Variants in CNGB1 observed in about 807,000 individuals in gnomAD.
CNGB1 encodes the protein cyclic nucleotide-gated channel beta-1.
A neutral mutation model predicts 151.7 loss-of-function variants in CNGB1; 126 were observed. The observed-to-expected ratio is 0.83, with a 90% CI of 0.72 to 0.96. The LOEUF (loss-of-function observed/expected upper bound fraction) is 0.96, where lower values mean the gene tolerates loss of function less well. Ranked by LOEUF, CNGB1 falls within the 40% of genes least tolerant of loss-of-function variation. CNGB1 has a pLI of 0.00. For missense variants in CNGB1, 1,698 were observed against 1,627.0 expected, an observed-to-expected ratio of 1.04 and a Z score of -0.75; for synonymous variants, 623 against 635.1, an observed-to-expected ratio of 0.98 and a Z score of 0.29.
At chr16:57,912,815 G>A in intron 24 of CNGB1, 115 bp downstream of exon 24, 1 of 1,033,692 alleles carries the variant, frequency 9.7e-7, no homozygotes, top group Non-Finnish European at 1.5e-6. Flanking sequence ...TGTGTGTTGT[G>A]TGTGTCGTGT....
At chr16:57,962,485 G>T in intron 7 of CNGB1, 80 bp downstream of exon 7, 1 of 1,303,396 alleles carries the variant, frequency 7.7e-7, no homozygotes, top group Non-Finnish European at 1.1e-6. Flanking sequence ...GGTGGTAACA[G>T]ACCCTGCTCC....
At chr16:57,958,327 G>A (rs1962143082) in intron 11 of CNGB1, 83 bp downstream of exon 11, 1 of 1,314,024 alleles carries the variant, frequency 7.6e-7, no homozygotes. Flanking sequence ...CTGCCACAGG[G>A]CCAACCATCC....
rs367717137 is a variant in CNGB1 at position 57,944,951 on chromosome 16, T to TAAA, written c.1121+4399_1121+4401dup. Among the ~76,000 whole-genome samples, 592 of 104,300 alleles carry TAAA rather than the reference T, an allele frequency of 5.7e-3. 9 individuals are homozygous for TAAA. Among genetic ancestry groups the TAAA allele is most frequent in the African/African-American group, 0.021 (537 of 25,412 alleles). 68.4% of individuals were successfully genotyped at this position (104,300 alleles called of 152,430 possible). ...GGGCAACAGAGCGAGACTCTGTCTTTAAAAAAAAAAAAAAAAAAAAAACAA... is the reference window on the plus strand; with the variant it reads ...GGGCAACAGAGCGAGACTCTGTCTTTAAAAAAAAAAAAAAAAAAAAAAAAACAA... On this transcript the variant is annotated intron_variant, in intron 14 of 32. Transcript: ENST00000251102.
rs778187364 is a variant in CNGB1 at position 57,904,030 on chromosome 16, G to A, written c.2635-49C>T. On this transcript the variant is annotated intron_variant, in intron 26 of 32. Coordinates refer to ENST00000251102, the MANE Select transcript of CNGB1 (RefSeq NM_001297.5). The stretch of plus-strand genomic sequence containing the variant: ...CAAGGAAGCCACTGGGTCATTGGGG[G>A]TGGGCGCTATTCCATGGATTTGGGA... 20 of 1,575,848 alleles carry A rather than the reference G, an allele frequency of 1.3e-5. 1 individual carries two copies. In the South Asian group the frequency reaches 1.8e-4, roughly 14 times the overall value.
At chr16:57,955,483 C>T (rs1338302876) in intron 12 of CNGB1, 4 of 891,094 alleles carry the variant, frequency 4.5e-6, no homozygotes, top group Admixed American at 2.1e-5. Flanking sequence ...CACATATCCC[C>T]CAGCCTCTCA....
At chr16:57,903,688 A>G (rs774182180) in intron 27 of CNGB1, 134 bp downstream of exon 27, 179 of 1,142,570 alleles carry the variant, frequency 1.6e-4, no homozygotes, top group Non-Finnish European at 2.1e-4. Context: ...TTGGGGACAC[A>G]GCCAAGACAG....
At chr16:57,937,926 C>T (rs1961555802) in intron 16 of CNGB1, among the ~76,000 whole-genome samples, 1 of 152,210 alleles carries the variant, frequency 6.6e-6, no homozygotes, top group Non-Finnish European at 1.5e-5. Flanking sequence ...CAGGTGATTC[C>T]AATGGGCTGT....
In CNGB1 at chr16:57,916,140, G is replaced by A. The variant is rs569502373; in HGVS notation, c.2206C>T (p.Arg736Cys). ...TGCCCGGCACACACCTTGAAGCGGC[G>A]AGACTTCAGGTAGTTATTTCGCATG... ...KDMRNNYLKS[R>C]RFKMDLLSLL... The change falls in exon 22 of 33, where the codon CGC becomes TGC. Residue 736 changes from arginine to cysteine, a missense_variant. Arg to Cys is a radical substitution (Grantham distance 180). Transcript: ENST00000251102. 6.4e-5 allele frequency: 103 copies of A among 1,614,028 alleles called. No homozygotes were observed. The highest frequency in any genetic ancestry group is 3.6e-4 in the South Asian group (33 of 91,070).
chr16:57,913,490 G>C (rs1195940508), intron 23 of CNGB1, among the ~76,000 whole-genome samples: 2 of 151,424 alleles, frequency 1.3e-5, no homozygotes, highest in African/African-American at 4.8e-5. Flanking sequence ...TTTTTGTTTT[G>C]TTTTTTCAGA....
rs758019188 is a variant in CNGB1, at chr16:57,916,150, G to A, written c.2196C>T (p.Tyr732=). The A allele has an allele frequency of 6.2e-7, 1 of 1,614,074 alleles. No homozygotes were observed. Among genetic ancestry groups the A allele is most frequent in the Non-Finnish European group, 8.5e-7 (1 of 1,179,986 alleles). The change falls in exon 22 of 33, where the codon TAC becomes TAT. Residue 732 remains tyrosine, a synonymous_variant. Transcript: ENST00000251102. ...ACACCTTGAAGCGGCGAGACTTCAG[G>A]TAGTTATTTCGCATGTCCTTTTTGT... ...ITDKKDMRNN[Y]LKSRRFKMDL... is the part of the protein sequence containing the mutation.
Position 57,904,728 on chromosome 16 carries a change from C to T in CNGB1, c.2634+6G>A, listed in dbSNP as rs374018113. 59 of 1,613,994 alleles carry T rather than the reference C, an allele frequency of 3.7e-5. No homozygotes were observed. The highest frequency in any genetic ancestry group is 1.3e-4 in the East Asian group (6 of 44,878). On this transcript the variant is annotated splice_donor_region_variant and intron_variant, in intron 26 of 32. Transcript: ENST00000251102. ...GGGGTGGGAAGCTGGGCTGGTGCCC[C>T]GATACCTGTCCGATCATCACAGAGA...
chr16:57,967,343 C>T, intron 1 of CNGB1, 49 bp from the exon 2 acceptor site: 1 of 1,584,892 alleles, frequency 6.3e-7, no homozygotes, highest in East Asian at 2.2e-5. Context: ...CACAGTAGCT[C>T]CCGCCACTTA....
intron 32 of CNGB1, among the ~76,000 whole-genome samples, chr16:57,886,738 A>C (rs1361985676): frequency 2.0e-5 from 3 of 152,164 alleles, no homozygotes; most frequent in African/African-American, 7.2e-5. Context: ...AGACATAATT[A>C]ATGTAATCAT....
At chr16:57,941,940 C>T (rs1961679310) in intron 14 of CNGB1, among the ~76,000 whole-genome samples, 1 of 152,200 alleles carries the variant, frequency 6.6e-6, no homozygotes. Context: ...CAGCCTCAAC[C>T]TCCCAGGCTC....
At chr16:57,949,136 G>A (rs541079302) in intron 14 of CNGB1, among the ~76,000 whole-genome samples, 6 of 152,016 alleles carry the variant, frequency 3.9e-5, no homozygotes, top group South Asian at 2.1e-4. Flanking sequence ...GTGTGTGTGG[G>A]GGGGGATGTG....
intron 20 of CNGB1, among the ~76,000 whole-genome samples, chr16:57,918,666 A>T (rs1276290111): frequency 6.6e-6 from 1 of 152,154 alleles, no homozygotes; most frequent in Admixed American, 6.6e-5. Context: ...CCTCATCTGT[A>T]AAATGGGTAT....
intron 17 of CNGB1, among the ~76,000 whole-genome samples, chr16:57,931,221 C>G (rs1232501202): frequency 6.6e-6 from 1 of 151,652 alleles, no homozygotes; most frequent in East Asian, 1.9e-4. Context: ...TGCAATGGCA[C>G]AATCTCAGTT....
intron 17 of CNGB1, among the ~76,000 whole-genome samples, chr16:57,930,523 G>C (rs1302737950): frequency 7.1e-6 from 1 of 141,596 alleles, no homozygotes; most frequent in African/African-American, 2.6e-5. Context: ...GGGGAGGGAA[G>C]GAGAGGGGAA....
intron 26 of CNGB1, among the ~76,000 whole-genome samples, chr16:57,904,390 TCTGA>T (rs1242010766): frequency 6.6e-6 from 1 of 152,126 alleles, no homozygotes; most frequent in East Asian, 1.9e-4. Flanking sequence ...TTTGAGAACC[TCTGA>T]CTGTCACCTC....
Sources: allele counts gnomAD v4.1 joint callset (sites outside exome capture counted in the v4.1 genomes callset), GRCh38; gene constraint gnomAD v4.1.1; transcripts MANE v1.5; gene names NCBI Gene and HGNC (gene_info 2026-07-23, HGNC 2026-07-21).